TRDN: variants seen among roughly 807,000 people sequenced by gnomAD.
TRDN encodes the protein triadin in skeletal muscle.
TRDN carries 161 observed loss-of-function variants against 149.7 expected under a neutral mutation model. The ratio of observed to expected loss-of-function variants is 1.08; its 90% CI spans 0.95 to 1.23. The LOEUF (loss-of-function observed/expected upper bound fraction) is 1.23. Ranked by LOEUF, TRDN falls within the 50% of genes most tolerant of loss-of-function variation. The probability of loss-of-function intolerance (pLI) is 0.00; values close to 1 mark genes in which losing one functional copy is unlikely to be tolerated. For missense variants in TRDN, 896 were observed against 823.5 expected (o/e 1.09, Z -1.08); for synonymous variants, 294 against 250.5 (o/e 1.17, Z -1.64).
At chr6:123,374,399 A>T (rs1426471889) in intron 19 of TRDN, among the ~76,000 whole-genome samples, 1 of 152,064 alleles carries the variant, frequency 6.6e-6, no homozygotes, top group Non-Finnish European at 1.5e-5. Context: ...TATTTTCTTG[A>T]TTAAGCATTT....
intron 2 of TRDN, among the ~76,000 whole-genome samples, chr6:123,552,141 C>A (rs1455036666): frequency 6.6e-6 from 1 of 152,116 alleles, no homozygotes; most frequent in Non-Finnish European, 1.5e-5. Context: ...GTGTTCAAGT[C>A]ATTCTTAATT....
intron 2 of TRDN, among the ~76,000 whole-genome samples, chr6:123,558,761 G>A (rs1195481008): frequency 6.6e-6 from 1 of 151,796 alleles, no homozygotes; most frequent in African/African-American, 2.4e-5. Flanking sequence ...ATAGAGTAGA[G>A]GCAGCCAAGT....
intron 1 of TRDN, among the ~76,000 whole-genome samples, chr6:123,622,321 A>C (rs893098455): frequency 3.7e-5 from 4 of 106,926 alleles, no homozygotes; most frequent in African/African-American, 2.4e-4. Context: ...ATATACAGAC[A>C]CACACACACA....
intron 1 of TRDN, among the ~76,000 whole-genome samples, chr6:123,572,005 A>T (rs1294666445): frequency 2.6e-5 from 4 of 152,154 alleles, no homozygotes; most frequent in African/African-American, 9.6e-5. Flanking sequence ...TGGGACAAAT[A>T]ACATAATCAC....
intron 22 of TRDN, among the ~76,000 whole-genome samples, chr6:123,333,956 A>G (rs1779762990): frequency 6.6e-6 from 1 of 152,054 alleles, no homozygotes; most frequent in Non-Finnish European, 1.5e-5. Flanking sequence ...TTATTGAGGC[A>G]CGAACATTGT....
chr6:123,439,119 A>G, intron 10 of TRDN, 116 bp from the exon 11 acceptor site: 1 of 711,182 alleles, frequency 1.4e-6, no homozygotes, highest in South Asian at 1.9e-5. Context: ...TTTGTGACTG[A>G]GCAAGTAATT....
chr6:123,576,491 T>C (rs1420151277), intron 1 of TRDN, among the ~76,000 whole-genome samples: 2 of 151,790 alleles, frequency 1.3e-5, no homozygotes, highest in African/African-American at 2.4e-5. Flanking sequence ...TTATTTTATT[T>C]ATCTATTTAT....
At chr6:123,604,927 T>C (rs996453662) in intron 1 of TRDN, among the ~76,000 whole-genome samples, 6 of 152,082 alleles carry the variant, frequency 3.9e-5, no homozygotes, top group African/African-American at 1.4e-4. Context: ...AATAGATTAG[T>C]ACCTAGATGG....
chr6:123,516,298 T>A, intron 5 of TRDN, 92 bp from the exon 6 acceptor site: 1 of 1,290,706 alleles, frequency 7.7e-7, no homozygotes, highest in South Asian at 1.9e-5. Context: ...AAATTTATCT[T>A]CTGTTTTTAG....
intron 10 of TRDN, among the ~76,000 whole-genome samples, chr6:123,454,504 G>T (rs539514097): frequency 6.6e-6 from 1 of 152,242 alleles, no homozygotes; most frequent in South Asian, 2.1e-4. Flanking sequence ...TCAGGTAAAA[G>T]TCTACACATC....
At chr6:123,337,299 G>T (rs1779907360) in intron 22 of TRDN, among the ~76,000 whole-genome samples, 1 of 151,998 alleles carries the variant, frequency 6.6e-6, no homozygotes, top group Admixed American at 6.6e-5. Context: ...GAGAATCAGA[G>T]AATTTGGGGA....
At chr6:123,278,059 G>A (rs923795223) in intron 26 of TRDN, among the ~76,000 whole-genome samples, 1 of 152,094 alleles carries the variant, frequency 6.6e-6, no homozygotes, top group African/African-American at 2.4e-5. Flanking sequence ...GAAAATCTTG[G>A]TTTTGTGGGA....
intron 23 of TRDN, among the ~76,000 whole-genome samples, chr6:123,319,753 G>A (rs1779172491): frequency 6.6e-6 from 1 of 152,084 alleles, no homozygotes; most frequent in Non-Finnish European, 1.5e-5. Flanking sequence ...GGGAAATATG[G>A]AACCAAAAAG....
intron 1 of TRDN, among the ~76,000 whole-genome samples, chr6:123,631,116 CTTT>C (rs200458146): frequency 7.1e-6 from 1 of 141,440 alleles, no homozygotes; most frequent in African/African-American, 2.6e-5. Context: ...TCACAATCTG[CTTT>C]TTTTTTTTTT....
chr6:123,529,496 A>G lies in TRDN; in HGVS notation c.484+1010T>C, dbSNP rs1780122365. 1.1e-5 allele frequency: 9 copies of G among 793,432 alleles called. No homozygotes were observed. In the Admixed American group the frequency reaches 1.5e-4, roughly 13 times the overall value. 49.1% of individuals were successfully genotyped at this position (793,432 alleles called of 1,614,324 possible). On this transcript the variant is annotated intron_variant, in intron 5 of 40. Transcript: ENST00000334268. ...GTAGAATGATTTGAGCCCTTCCCAA[A>G]AAGAAAGCACATGAAGTATATTTTA...
At chr6:123,614,273 G>A (rs1784955704) in intron 1 of TRDN, among the ~76,000 whole-genome samples, 1 of 140,466 alleles carries the variant, frequency 7.1e-6, no homozygotes, top group South Asian at 2.3e-4. Flanking sequence ...ATGTTACCGT[G>A]GGAAAGTGCT....
At chr6:123,443,433 C>G (rs995518252) in intron 10 of TRDN, among the ~76,000 whole-genome samples, 8 of 151,980 alleles carry the variant, frequency 5.3e-5, no homozygotes, top group Admixed American at 2.0e-4. Flanking sequence ...AGGGAGAAGA[C>G]TTTTCAGCAG....
chr6:123,244,556 A>G (rs1291675694), intron 38 of TRDN, among the ~76,000 whole-genome samples: 1 of 152,156 alleles, frequency 6.6e-6, no homozygotes, highest in African/African-American at 2.4e-5. Context: ...AAAAAGAATA[A>G]AGAAGAACGA....
intron 12 of TRDN, among the ~76,000 whole-genome samples, chr6:123,420,394 A>ATT: frequency 6.6e-6 from 1 of 151,920 alleles, no homozygotes; most frequent in South Asian, 2.1e-4. Context: ...ATTTTTTTAA[A>ATT]AAAAAAACAG....
Sources: gnomAD v4.1 joint callset for allele counts (sites outside exome capture counted in the v4.1 genomes callset) on GRCh38, gnomAD v4.1.1 for gene constraint, MANE v1.5 for transcripts, NCBI Gene and HGNC (gene_info 2026-07-23, HGNC 2026-07-21) for gene names.